Variants in TCF25 observed in about 807,000 individuals in gnomAD.
The protein encoded by TCF25 is ribosome quality control complex subunit TCF25.
In TCF25, 41 loss-of-function variants were observed where a neutral mutation model predicts 83.1. The observed-to-expected ratio is 0.49, with a 90% CI of 0.38 to 0.64. TCF25 has a LOEUF of 0.64. Ranked by LOEUF, TCF25 falls within the 30% of genes least tolerant of loss-of-function variation. TCF25 has a pLI of 0.00. For synonymous variants in TCF25, 458 were observed against 365.0 expected (o/e 1.25, Z -2.90); for missense variants, 979 against 914.5 (o/e 1.07, Z -0.91).
Position 89,911,123 on chromosome 16 carries a change from A to T in TCF25, c.1916A>T (p.Asn639Ile). Reference protein sequence around the residue: ...EEGVAGGLNRNQGLNRLMLAV... With the variant: ...EEGVAGGLNRIQGLNRLMLAV... ...GGAGTGGCTGGGGGTCTGAACCGCA[A>T]CCAGGGCCTGAACAGGCTGATGCTG... The change falls in exon 18 of 18, where the codon AAC (asparagine) becomes ATC (isoleucine). Residue 639 changes from asparagine (N) to isoleucine (I), a missense_variant. Physicochemically the swap from Asn to Ile is moderately radical, Grantham distance 149 (BLOSUM62 -3). Transcript: ENST00000263346. 1 of 1,611,752 alleles carries T rather than the reference A, an allele frequency of 6.2e-7. No homozygotes were observed. Among genetic ancestry groups the T allele is most frequent in the Non-Finnish European group, 8.5e-7 (1 of 1,179,930 alleles).
intron 4 of TCF25, among the ~76,000 whole-genome samples, chr16:89,886,314 G>GCTACT (rs1281636605): frequency 5.3e-5 from 8 of 152,110 alleles, no homozygotes; most frequent in African/African-American, 1.9e-4. Flanking sequence ...TATAGTCCCA[G>GCTACT]CTACTCGGGA....
rs759320439 is a variant in TCF25 at position 89,893,870 on chromosome 16, C to T, written c.828+12C>T. ...CGAACAACATCGTGGTGCGTGGTCCCTGCAGCCCCTGACAGGAGCAGGGGC... is the reference window on the plus strand; with the variant it reads ...CGAACAACATCGTGGTGCGTGGTCCTTGCAGCCCCTGACAGGAGCAGGGGC... On this transcript the variant is annotated intron_variant, in intron 7 of 17. Coordinates refer to ENST00000263346, the MANE Select transcript of TCF25 (RefSeq NM_014972.3). The T allele has an allele frequency of 1.3e-6, 2 of 1,593,088 alleles. No individual in the cohort carries two copies. The highest frequency in any genetic ancestry group is 1.7e-6 in the Non-Finnish European group (2 of 1,170,472).
intron 1 of TCF25, among the ~76,000 whole-genome samples, chr16:89,881,502 G>T (rs751593411): frequency 6.7e-6 from 1 of 149,330 alleles, no homozygotes; most frequent in Non-Finnish European, 1.5e-5. Context: ...CTGGAGTGCC[G>T]TTGTGTGATC....
chr16:89,893,048 T>C (rs2043551324), intron 6 of TCF25, among the ~76,000 whole-genome samples: 1 of 152,202 alleles, frequency 6.6e-6, no homozygotes, highest in Non-Finnish European at 1.5e-5. Flanking sequence ...TCACGGCCCC[T>C]TCCCTTCCTG....
At chr16:89,884,764 C>T in intron 3 of TCF25, 108 bp downstream of exon 3, 1 of 1,011,634 alleles carries the variant, frequency 9.9e-7, no homozygotes, top group Non-Finnish European at 1.4e-6. Context: ...GTCTGACGCC[C>T]TCTCCCTCTG....
rs1263580112 is a variant in TCF25 at position 89,904,975 on chromosome 16, C to T, written c.1507C>T (p.Leu503Phe). The T allele has an allele frequency of 1.2e-6, 2 of 1,608,324 alleles. No homozygotes were observed. The highest frequency in any genetic ancestry group is 2.2e-5 in the East Asian group (1 of 44,588). ...CCTGAGCCAGCTGGTGAACCTGTAC[C>T]TTGGGAGGTCACACTTTCTCTGGAA... ...PALSQLVNLY[L>F]GRSHFLWKEP... Residue 503 changes from leucine (L) to phenylalanine (F), a missense_variant, in exon 14 of 18, where the codon CTT becomes TTT. Leu to Phe is a conservative substitution (Grantham distance 22). Coordinates refer to ENST00000263346, the MANE Select transcript of TCF25 (RefSeq NM_014972.3).
chr16:89,911,052 C>G lies in TCF25; in HGVS notation c.1873-28C>G, dbSNP rs201983648. The stretch of plus-strand genomic sequence containing the variant: ...CCCCTAGTCCCAGCACAGACAGCCC[C>G]CTTCTCAGACATGTCCCCTTGCTGC... On this transcript the variant is annotated intron_variant, in intron 17 of 17. Coordinates refer to ENST00000263346, the MANE Select transcript of TCF25 (RefSeq NM_014972.3). 21 of 1,608,560 alleles carry G rather than the reference C, an allele frequency of 1.3e-5. No homozygotes were observed. In the East Asian group the frequency reaches 4.5e-4, roughly 34 times the overall value.
intron 16 of TCF25, chr16:89,909,220 A>G (rs2045337231): frequency 8.6e-7 from 1 of 1,166,912 alleles, no homozygotes; most frequent in Admixed American, 2.7e-5. Context: ...TAAAAATACA[A>G]AACTTAGCCA....
intron 13 of TCF25, 174 bp downstream of exon 13, chr16:89,904,379 T>C: frequency 1.4e-6 from 1 of 696,156 alleles, no homozygotes. Flanking sequence ...CCCTCATCTG[T>C]GTGGAAAAGT....
chr16:89,875,517 T>G (rs927606477), intron 1 of TCF25, among the ~76,000 whole-genome samples: 3 of 127,954 alleles, frequency 2.3e-5, no homozygotes, highest in Non-Finnish European at 4.9e-5. Context: ...ACGTGAGTTT[T>G]TTTTTTTTTT....
chr16:89,874,376 G>T (rs976591431), intron 1 of TCF25, among the ~76,000 whole-genome samples: 1 of 151,942 alleles, frequency 6.6e-6, no homozygotes, highest in East Asian at 1.9e-4. Context: ...CACCGTGGGG[G>T]TGGGGCCACG....
At chr16:89,906,654 A>G (rs760506730) in intron 15 of TCF25, among the ~76,000 whole-genome samples, 20 of 152,054 alleles carry the variant, frequency 1.3e-4, no homozygotes, top group East Asian at 1.9e-4. Context: ...CTCAAAACCT[A>G]AGGAGTTTGT....
At chr16:89,880,259 T>C (rs79189742) in intron 1 of TCF25, among the ~76,000 whole-genome samples, 1 of 152,238 alleles carries the variant, frequency 6.6e-6, no homozygotes, top group African/African-American at 2.4e-5. Context: ...GAATTTTTTT[T>C]CTTAGGAAGT....
At position 89,884,611 on chromosome 16, in the gene TCF25, G is replaced by GA. The variant is rs748021112; in HGVS notation, c.393dup (p.Gln132ThrfsTer27). 273 of 1,559,914 alleles carry GA rather than the reference G, an allele frequency of 1.8e-4. No homozygotes were observed. Among genetic ancestry groups the GA allele is most frequent in the East Asian group, 4.6e-4 (20 of 43,064 alleles). On this transcript the variant is annotated frameshift_variant, in exon 3 of 18. Transcript: ENST00000263346. LOFTEE classifies it high-confidence loss of function. ...ATGCAAGTGGCAAACTCCGGAAGAAGAAAAAAAAACAGAAAAACAAGAAAA... is the reference window on the plus strand; with the variant it reads ...ATGCAAGTGGCAAACTCCGGAAGAAGAAAAAAAAAACAGAAAAACAAGAAAA...
chr16:89,905,104 A>C lies in TCF25; in HGVS notation c.1628+8A>C, dbSNP rs942755104. 6.3e-7 allele frequency: 1 copy of C among 1,582,538 alleles called. No individual in the cohort carries two copies. Among genetic ancestry groups the C allele is most frequent in the Non-Finnish European group, 8.6e-7 (1 of 1,164,572 alleles). On this transcript the variant is annotated splice_region_variant and intron_variant, in intron 14 of 17. Coordinates refer to ENST00000263346, the MANE Select transcript of TCF25 (RefSeq NM_014972.3). ...GGAAGCCTGTGAGAACCGGTGAGCTAGGGGTTGACACAAGCCCTGCCACGC... is the reference window on the plus strand; with the variant it reads ...GGAAGCCTGTGAGAACCGGTGAGCTCGGGGTTGACACAAGCCCTGCCACGC...
intron 6 of TCF25, among the ~76,000 whole-genome samples, chr16:89,892,546 G>A (rs1328109155): frequency 3.3e-5 from 5 of 152,230 alleles, no homozygotes; most frequent in Admixed American, 1.3e-4. Context: ...GCCTGGCCCA[G>A]TACCTCAACA....
intron 16 of TCF25, among the ~76,000 whole-genome samples, chr16:89,907,541 C>T (rs111210189): frequency 0.036 from 3,179 of 88,616 alleles, 239 homozygotes; most frequent in East Asian, 0.097. Flanking sequence ...TCCTACCTCC[C>T]ATCTCCCAGC....
At position 89,911,280 on chromosome 16, in the gene TCF25, C is replaced by T. The variant is rs376473034; in HGVS notation, c.*42C>T. The T allele has an allele frequency of 1.9e-4, 297 of 1,602,032 alleles. No homozygotes were observed. Among genetic ancestry groups the T allele is most frequent in the Non-Finnish European group, 2.3e-4 (268 of 1,171,618 alleles). ...CCGAAAAGCCGTATGATGATGTTCC[C>T]GATTTCTCTGTTGGTCGGAGTCGGC... On this transcript the variant is annotated 3_prime_UTR_variant, in exon 18 of 18. Transcript: ENST00000263346.
intron 8 of TCF25, among the ~76,000 whole-genome samples, 174 bp from the exon 9 acceptor site, chr16:89,895,816 A>G (rs1413630897): frequency 1.3e-5 from 2 of 152,362 alleles, no homozygotes; most frequent in Non-Finnish European, 1.5e-5. Flanking sequence ...TGTGGTTGAA[A>G]TAAATGCAGC....
Sources: allele counts gnomAD v4.1 joint callset (sites outside exome capture counted in the v4.1 genomes callset), GRCh38; gene constraint gnomAD v4.1.1; transcripts MANE v1.5; gene names NCBI Gene and HGNC (gene_info 2026-07-23, HGNC 2026-07-21).